Variants in ARPP21 observed in about 807,000 individuals in gnomAD.
ARPP21 encodes the protein cAMP regulated phosphoprotein 21, also known as cAMP-regulated phosphoprotein 21.
Under a neutral mutation model 113.2 loss-of-function variants are expected in ARPP21, and 69 were observed. The ratio of observed to expected loss-of-function variants is 0.61; its 90% CI spans 0.50 to 0.74. The LOEUF is 0.74. Among genes scored for constraint, ARPP21 ranks in the 30% least tolerant of loss-of-function variants. The pLI is 0.00. For missense variants in ARPP21, 1,070 were observed against 1,037.4 expected, an observed-to-expected ratio of 1.03 and a Z score of -0.43; for synonymous variants, 368 against 375.5, an observed-to-expected ratio of 0.98 and a Z score of 0.23.
intron 1 of ARPP21, among the ~76,000 whole-genome samples, chr3:35,648,263 T>C (rs569782555): frequency 6.6e-6 from 1 of 152,316 alleles, no homozygotes; most frequent in South Asian, 2.1e-4. Context: ...TCTAAAATGT[T>C]AACATATGGG....
At chr3:35,670,184 T>A (rs2075971534) in intron 1 of ARPP21, among the ~76,000 whole-genome samples, 1 of 152,110 alleles carries the variant, frequency 6.6e-6, no homozygotes, top group Non-Finnish European at 1.5e-5. Flanking sequence ...AACATGAACA[T>A]TACAAAAAGC....
chr3:35,646,221 A>G (rs1559504141), intron 1 of ARPP21, among the ~76,000 whole-genome samples: 3 of 152,128 alleles, frequency 2.0e-5, no homozygotes, highest in Non-Finnish European at 2.9e-5. Context: ...ATTCAATGGA[A>G]AAATGGAAGA....
At chr3:35,775,401 A>G (rs2096330471) in intron 19 of ARPP21, among the ~76,000 whole-genome samples, 1 of 152,226 alleles carries the variant, frequency 6.6e-6, no homozygotes, top group African/African-American at 2.4e-5. Context: ...ATGCATACAC[A>G]TGAAAACACA....
intron 19 of ARPP21, among the ~76,000 whole-genome samples, chr3:35,768,079 CGTGTGTGTGTGTGTGTGTGT>C (rs5847897): frequency 0.056 from 6,224 of 111,800 alleles, 487 homozygotes; most frequent in African/African-American, 0.18. Flanking sequence ...CATGCTTTTC[CGTGTGTGTGTGTGTGTGTGT>C]GTGTGTGTGT....
Position 35,770,794 on chromosome 3 carries a change from C to T in ARPP21, c.2138-21588C>T, listed in dbSNP as rs1044786584. Among the ~76,000 whole-genome samples the T allele has an allele frequency of 3.3e-5, 5 of 152,142 alleles. No individual in the cohort carries two copies. In the East Asian group the frequency reaches 9.6e-4, roughly 29 times the overall value. On this transcript the variant is annotated intron_variant, in intron 19 of 20. Coordinates refer to ENST00000684406, the MANE Select transcript of ARPP21 (RefSeq NM_001385562.1). ...TTATGCCCTAATCAACAGTTTGTGT[C>T]ATTTATGATTTATTCTACAATGAAA... is the stretch of plus-strand genomic sequence containing the variant.
At chr3:35,790,925 A>G (rs937838624) in intron 19 of ARPP21, among the ~76,000 whole-genome samples, 17 of 152,320 alleles carry the variant, frequency 1.1e-4, no homozygotes, top group African/African-American at 3.6e-4. Context: ...TTTAGATTAC[A>G]CACTGGTTCC....
At chr3:35,655,756 C>T (rs1244518225) in intron 1 of ARPP21, among the ~76,000 whole-genome samples, 2 of 151,928 alleles carry the variant, frequency 1.3e-5, no homozygotes, top group Admixed American at 6.6e-5. Flanking sequence ...AGATGGTGGC[C>T]CTCCTTCTTT....
intron 18 of ARPP21, among the ~76,000 whole-genome samples, chr3:35,740,342 T>C (rs1296084655): frequency 6.6e-6 from 1 of 152,200 alleles, no homozygotes; most frequent in African/African-American, 2.4e-5. Flanking sequence ...GGCACACCGA[T>C]CCCAAGAAAA....
At chr3:35,651,060 C>A (rs1300267798) in intron 1 of ARPP21, among the ~76,000 whole-genome samples, 1 of 151,994 alleles carries the variant, frequency 6.6e-6, no homozygotes, top group Non-Finnish European at 1.5e-5. Context: ...ATTATAAAAT[C>A]TGTTAATCCT....
chr3:35,645,565 A>G (rs1699889165), intron 1 of ARPP21, among the ~76,000 whole-genome samples: 1 of 151,944 alleles, frequency 6.6e-6, no homozygotes, highest in Non-Finnish European at 1.5e-5. Flanking sequence ...AGATAAGCCT[A>G]GTCATCTCTC....
At chr3:35,746,757 C>T (rs2095081309) in intron 19 of ARPP21, among the ~76,000 whole-genome samples, 1 of 152,162 alleles carries the variant, frequency 6.6e-6, no homozygotes, top group Non-Finnish European at 1.5e-5. Flanking sequence ...TGTTCTTAAT[C>T]TTTATTTAAT....
intron 14 of ARPP21, among the ~76,000 whole-genome samples, chr3:35,726,299 G>C (rs894337145): frequency 2.0e-5 from 3 of 152,142 alleles, no homozygotes; most frequent in African/African-American, 7.2e-5. Flanking sequence ...CCTTTTAGTA[G>C]CATTTGTGTT....
intron 4 of ARPP21, 63 bp from the exon 5 acceptor site, chr3:35,683,663 G>A: frequency 2.6e-6 from 2 of 762,182 alleles, no homozygotes; most frequent in Non-Finnish European, 2.3e-6. Flanking sequence ...TTGGCAGTCT[G>A]AGAATGCTTC....
chr3:35,677,752 A>C (rs572887494), intron 1 of ARPP21, among the ~76,000 whole-genome samples: 1 of 152,124 alleles, frequency 6.6e-6, no homozygotes, highest in East Asian at 1.9e-4. Context: ...TTTGTTGAAA[A>C]TAGTTTGGGT....
At chr3:35,782,220 A>G (rs1359134958) in intron 19 of ARPP21, among the ~76,000 whole-genome samples, 2 of 152,142 alleles carry the variant, frequency 1.3e-5, no homozygotes, top group African/African-American at 4.8e-5. Flanking sequence ...CATTTTAGTA[A>G]ATAATATAGA....
chr3:35,670,279 G>A (rs1192578884), intron 1 of ARPP21, among the ~76,000 whole-genome samples: 1 of 152,026 alleles, frequency 6.6e-6, no homozygotes, highest in Non-Finnish European at 1.5e-5. Flanking sequence ...AATTAGGAGA[G>A]TCCATCATGC....
intron 12 of ARPP21, among the ~76,000 whole-genome samples, chr3:35,715,970 G>C (rs2092331796): frequency 6.6e-6 from 1 of 151,976 alleles, no homozygotes; most frequent in Non-Finnish European, 1.5e-5. Context: ...TAAAAGACTT[G>C]ACCTTGAAAA....
intron 19 of ARPP21, among the ~76,000 whole-genome samples, chr3:35,779,774 C>T (rs150139865): frequency 5.1e-4 from 78 of 152,262 alleles, no homozygotes; most frequent in African/African-American, 1.3e-3. Context: ...TCTTGTTTTC[C>T]AAATGCCTTG....
Position 35,667,878 on chromosome 3 carries a change from A to AAGAAGT in ARPP21, c.-212-11904_-212-11903insTAGAAG, listed in dbSNP as rs2074895068. Among the ~76,000 whole-genome samples, 7 of 136,746 alleles carry AAGAAGT rather than the reference A, an allele frequency of 5.1e-5. 1 individual carries two copies. The highest frequency in any genetic ancestry group is 4.5e-5 in the Non-Finnish European group (3 of 66,398). The allele number at this position is 136,746 out of a possible 152,430, so 89.7% of individuals were successfully genotyped here. ...GAAGAAGAAGAAGAAGAAGAAGAAG[A>AAGAAGT]AGAAGAAGAAGAGGAAGAGGAAGAG... On this transcript the variant is annotated intron_variant, in intron 1 of 20. Transcript: ENST00000684406.
Sources: allele counts gnomAD v4.1 joint callset (sites outside exome capture counted in the v4.1 genomes callset), GRCh38; gene constraint gnomAD v4.1.1; transcripts MANE v1.5; gene names NCBI Gene and HGNC (gene_info 2026-07-23, HGNC 2026-07-21).